The following RSRP1 variants were observed in gnomAD, a reference collection of about 807,000 sequenced individuals.
RSRP1 encodes the protein arginine and serine rich protein 1.
Under a neutral mutation model 33.0 loss-of-function variants are expected in RSRP1, and 37 were observed. The observed-to-expected ratio is 1.12, with a 90% CI of 0.86 to 1.48. RSRP1 has a LOEUF of 1.48. Ranked by LOEUF, RSRP1 falls within the 40% of genes most tolerant of loss-of-function variation. The pLI is 0.00. For synonymous variants in RSRP1, 167 were observed against 158.7 expected (o/e 1.05, Z -0.40); for missense variants, 402 against 385.3 (o/e 1.04, Z -0.36).
chr1:25,319,139 T>C (rs1644565876), intron 1 of RSRP1, among the ~76,000 whole-genome samples: 1 of 131,350 alleles, frequency 7.6e-6, no homozygotes, highest in South Asian at 2.3e-4. Flanking sequence ...CACTATTCAC[T>C]GTTATCACTG....
chr1:25,272,747 C>G, intron 1 of RSRP1: 1 of 1,371,120 alleles, frequency 7.3e-7, no homozygotes, highest in South Asian at 1.2e-5. Context: ...GGGGCAGGGG[C>G]GGGGGAGGCC....
chr1:25,270,393 A>C lies in RSRP1; in HGVS notation c.-66-23364T>G, dbSNP rs1183733775. ...ATAGGCCAGCGAGCACTACCGCCTG[A>C]GCTCCGCCTCCTGTCAGATCAGCAG... On this transcript the variant is annotated intron_variant, in intron 1 of 1. Transcript: ENST00000561867. Among the ~76,000 whole-genome samples the C allele has an allele frequency of 6.9e-5, 9 of 130,688 alleles. 1 individual carries two copies. The East Asian group carries it at 1.8e-3, about 26-fold the overall frequency. The allele number at this position is 130,688 out of a possible 152,430, so 85.7% of individuals were successfully genotyped here. A position where few individuals can be genotyped will look rare whatever the true frequency, so the allele number is the denominator to read the frequency against.
At chr1:25,245,695 A>G (rs1478511193) in intron 2 of RSRP1, among the ~76,000 whole-genome samples, 1 of 152,148 alleles carries the variant, frequency 6.6e-6, no homozygotes, top group African/African-American at 2.4e-5. Flanking sequence ...TATCTCAACA[A>G]TTAGTTTTGT....
chr1:25,256,028 C>T (rs576561289), intron 1 of RSRP1, among the ~76,000 whole-genome samples: 1 of 152,156 alleles, frequency 6.6e-6, no homozygotes, highest in Non-Finnish European at 1.5e-5. Flanking sequence ...ATCAACCATT[C>T]GGGCCAATAA....
Position 25,328,983 on chromosome 1 carries a change from T to C in RSRP1, c.-67+8995A>G. Reference sequence around the variant, plus strand: ...AAAACAAGACAACTTCCTCTCACTGTTGCCTGCATTTGTACGTGAGAAACG... The same window carrying C: ...AAAACAAGACAACTTCCTCTCACTGCTGCCTGCATTTGTACGTGAGAAACG... On this transcript the variant is annotated intron_variant, in intron 1 of 1. Coordinates refer to the RSRP1 transcript ENST00000561867. 2 of 1,369,968 alleles carry C rather than the reference T, an allele frequency of 1.5e-6. 1 individual carries two copies. Among genetic ancestry groups the C allele is most frequent in the Admixed American group, 3.6e-5 (2 of 54,952 alleles). 84.9% of individuals were successfully genotyped at this position (1,369,968 alleles called of 1,614,324 possible).
In RSRP1 at chr1:25,286,976, C is replaced by G. The variant is rs1642074030; in HGVS notation, c.-66-39947G>C. ...GGTGTGGCGGCAGGCACCTGTAATC[C>G]CAGCTACTTGGGAGGCTGAGGCAGG... On this transcript the variant is annotated intron_variant, in intron 1 of 1. Transcript: ENST00000561867. Among the ~76,000 whole-genome samples, 11 of 133,724 alleles carry G rather than the reference C, an allele frequency of 8.2e-5. 1 individual carries two copies. In the South Asian group the frequency reaches 2.4e-3, roughly 30 times the overall value. 87.7% of individuals were successfully genotyped at this position (133,724 alleles called of 152,430 possible).
intron 1 of RSRP1, among the ~76,000 whole-genome samples, chr1:25,293,434 G>A (rs1260659050): frequency 3.1e-5 from 4 of 130,268 alleles, no homozygotes; most frequent in Admixed American, 7.5e-5. Context: ...CCATTGTGCG[G>A]AAATAACAAT....
intron 1 of RSRP1, among the ~76,000 whole-genome samples, chr1:25,295,829 G>A (rs1192302244): frequency 9.2e-6 from 1 of 109,010 alleles, no homozygotes; most frequent in Non-Finnish European, 2.2e-5. Flanking sequence ...AAGAACAATG[G>A]TCTGGGAGGG....
chr1:25,243,143 T>C (rs1639011097), intron 4 of RSRP1, among the ~76,000 whole-genome samples: 1 of 152,122 alleles, frequency 6.6e-6, no homozygotes, highest in Non-Finnish European at 1.5e-5. Context: ...TGAACCTTAA[T>C]TGTAGCTTGA....
chr1:25,331,668 C>T (rs548414396), intron 1 of RSRP1, among the ~76,000 whole-genome samples: 4 of 119,728 alleles, frequency 3.3e-5, no homozygotes, highest in African/African-American at 1.1e-4. Flanking sequence ...CCCAGGTTCA[C>T]GCCATTCTCC....
Position 25,305,583 on chromosome 1 carries a change from TTTGTTG to T in RSRP1, c.-67+32389_-67+32394del, listed in dbSNP as rs200713124. Among the ~76,000 whole-genome samples the T allele has an allele frequency of 3.4e-3, 410 of 118,918 alleles. 74 individuals carry two copies. In the Middle Eastern group the frequency reaches 0.041, roughly 12 times the overall value. The allele number at this position is 118,918 out of a possible 152,430, so 78.0% of individuals were successfully genotyped here. A position where few individuals can be genotyped will look rare whatever the true frequency, so the allele number is the denominator to read the frequency against. On this transcript the variant is annotated intron_variant, in intron 1 of 1. Coordinates refer to the RSRP1 transcript ENST00000561867. ...GGCTAATTTTCGTGTGTGTATGTAT[TTTGTTG>T]TTGTTGTTGTTGTTGTTGTTGTTGT...
chr1:25,300,660 T>G lies in RSRP1; in HGVS notation c.-67+37318A>C, dbSNP rs1340477855. Reference sequence around the variant, plus strand: ...CCCCATCTCTACTAAAAATACAAAATTAGCCCAGCGTAGTGGCGCATGCCT... The same window carrying G: ...CCCCATCTCTACTAAAAATACAAAAGTAGCCCAGCGTAGTGGCGCATGCCT... On this transcript the variant is annotated intron_variant, in intron 1 of 1. Transcript: ENST00000561867. Among the ~76,000 whole-genome samples, 4 of 130,498 alleles carry G rather than the reference T, an allele frequency of 3.1e-5. 2 individuals are homozygous for G. The highest frequency in any genetic ancestry group is 7.2e-5 in the Non-Finnish European group (4 of 55,284). 85.6% of individuals were successfully genotyped at this position (130,498 alleles called of 152,430 possible). A position where few individuals can be genotyped will look rare whatever the true frequency, so the allele number is the denominator to read the frequency against.
chr1:25,337,080 C>A, intron 1 of RSRP1: 1 of 171,450 alleles, frequency 5.8e-6, no homozygotes. Flanking sequence ...TCCGCGACCA[C>A]TTCCTGGATC....
In RSRP1 at chr1:25,332,570, G is replaced by A. The variant is rs1039629740; in HGVS notation, c.-67+5408C>T. 7.6e-5 allele frequency among the ~76,000 whole-genome samples: 10 copies of A among 131,286 alleles called. 1 individual carries two copies. The highest frequency in any genetic ancestry group is 1.1e-4 in the Non-Finnish European group (6 of 55,646). The allele number at this position is 131,286 out of a possible 152,430, so 86.1% of individuals were successfully genotyped here. Reference sequence around the variant, plus strand: ...TTGGAGTTCAGGAGTCCCACACTGCGAACCATATTACCTAATAATCCAACC... The same window carrying A: ...TTGGAGTTCAGGAGTCCCACACTGCAAACCATATTACCTAATAATCCAACC... On this transcript the variant is annotated intron_variant, in intron 1 of 1. Coordinates refer to the RSRP1 transcript ENST00000561867.
Position 25,245,259 on chromosome 1 carries a change from T to A in RSRP1, c.563A>T (p.Lys188Ile). Reference sequence around the variant, plus strand: ...GTCAATGTTGGTTGTTCCTAGAGCTTTCGCTGCATTGGTTTTTGCTATTTC... The same window carrying A: ...GTCAATGTTGGTTGTTCCTAGAGCTATCGCTGCATTGGTTTTTGCTATTTC... ...LLEIAKTNAAKALGTTNIDLP... is the reference protein window; with the variant it reads ...LLEIAKTNAAIALGTTNIDLP... The change falls in exon 3 of 5, where the codon AAA becomes ATA. Residue 188 changes from lysine (K) to isoleucine (I), a missense_variant. Coordinates refer to ENST00000243189, the MANE Select transcript of RSRP1 (RefSeq NM_020317.5). 6.2e-7 allele frequency: 1 copy of A among 1,614,096 alleles called. No individual in the cohort carries two copies. Among genetic ancestry groups the A allele is most frequent in the Non-Finnish European group, 8.5e-7 (1 of 1,180,028 alleles).
upstream of RSRP1, among the ~76,000 whole-genome samples, chr1:25,249,285 G>A (rs181512166): frequency 2.0e-5 from 3 of 152,248 alleles, no homozygotes; most frequent in African/African-American, 4.8e-5. Flanking sequence ...ACAAGTCTCC[G>A]TAGACAGTTC....
rs1233036577 is a variant in RSRP1, at chr1:25,295,621, C to T, written c.-67+42357G>A. On this transcript the variant is annotated intron_variant, in intron 1 of 1. Transcript: ENST00000561867. The stretch of plus-strand genomic sequence containing the variant: ...CAGAAGTGTAACGCAGGGAAAGAGA[C>T]GAGCGGTCAAGGAGCCGAGAGGGAA... 1.2e-3 allele frequency among the ~76,000 whole-genome samples: 123 copies of T among 104,854 alleles called. 3 individuals carry two copies. The highest frequency in any genetic ancestry group is 2.1e-3 in the Admixed American group (21 of 10,090). 68.8% of individuals were successfully genotyped at this position (104,854 alleles called of 152,430 possible). A position where few individuals can be genotyped will look rare whatever the true frequency, so the allele number is the denominator to read the frequency against.
At chr1:25,244,875 G>A (rs766577532) in intron 3 of RSRP1, 69 of 1,168,514 alleles carry the variant, frequency 5.9e-5, no homozygotes, top group Admixed American at 1.8e-4. Flanking sequence ...GTAAACACGC[G>A]GTTTTGCCAC....
chr1:25,334,925 T>C (rs1283042633), intron 1 of RSRP1, among the ~76,000 whole-genome samples: 1 of 125,952 alleles, frequency 7.9e-6, no homozygotes, highest in Non-Finnish European at 1.8e-5. Context: ...GGACCTGTGA[T>C]GGGAGGGGTT....
Sources: allele counts gnomAD v4.1 joint callset (sites outside exome capture counted in the v4.1 genomes callset), GRCh38; gene constraint gnomAD v4.1.1; transcripts MANE v1.5; gene names NCBI Gene and HGNC (gene_info 2026-07-23, HGNC 2026-07-21).